ZNF83: variants seen among roughly 807,000 people sequenced by gnomAD.
The protein encoded by ZNF83 is zinc finger protein 816B.
For missense variants in ZNF83, 552 were observed against 629.9 expected, an observed-to-expected ratio of 0.88 and a Z score of 1.32; for synonymous variants, 209 against 213.0, an observed-to-expected ratio of 0.98 and a Z score of 0.17.
chr19:52,614,428 G>T (rs775565492), exon 3 of ZNF83: 8 of 1,613,694 alleles, frequency 5.0e-6, no homozygotes, highest in Non-Finnish European at 6.8e-6. Context: ...ACTGTTGACA[G>T]ATTTTTCCAT....
At chr19:52,685,796 G>C (rs2062004607) in intron 1 of ZNF83, among the ~76,000 whole-genome samples, 1 of 151,826 alleles carries the variant, frequency 6.6e-6, no homozygotes, top group African/African-American at 2.4e-5. Flanking sequence ...TACTCAGGAG[G>C]CTGAAGCAGG....
intron 1 of ZNF83, among the ~76,000 whole-genome samples, chr19:52,666,919 G>C (rs1416965135): frequency 6.6e-6 from 1 of 152,170 alleles, no homozygotes; most frequent in African/African-American, 2.4e-5. Context: ...GCAGAGTTAG[G>C]AAAATTGCCT....
Position 52,614,577 on chromosome 19 carries a change from A to AAC in ZNF83, c.-14_-13insGT. 1 of 1,565,676 alleles carries AAC rather than the reference A, an allele frequency of 6.4e-7. No homozygotes were observed. The highest frequency in any genetic ancestry group is 8.7e-7 in the Non-Finnish European group (1 of 1,153,610). On this transcript the variant is annotated 5_prime_UTR_variant, in exon 3 of 3. The change creates a new upstream start codon in the 5' untranslated region. Coordinates refer to ENST00000301096, the Ensembl canonical transcript of ZNF83. ...TTCTCCCATGCATGTCTCTTCTACC[A>AAC]ATGAGACTTTCCTTATAGGTCACAC...
chr19:52,678,546 T>C (rs993139749), intron 1 of ZNF83, among the ~76,000 whole-genome samples: 7 of 152,048 alleles, frequency 4.6e-5, no homozygotes, highest in African/African-American at 1.7e-4. Context: ...TCCTATATTA[T>C]TTGAAGTCAT....
At chr19:52,628,219 G>A (rs867104979) in intron 2 of ZNF83, among the ~76,000 whole-genome samples, 2 of 152,054 alleles carry the variant, frequency 1.3e-5, no homozygotes, top group Non-Finnish European at 2.9e-5. Flanking sequence ...TCAGATTGGG[G>A]GACCTCCCTT....
intron 2 of ZNF83, among the ~76,000 whole-genome samples, chr19:52,632,432 C>T (rs3960470): frequency 6.6e-6 from 1 of 152,206 alleles, no homozygotes; most frequent in Non-Finnish European, 1.5e-5. Context: ...GCCCCAGTCT[C>T]ATTCCAGACA....
chr19:52,618,085 A>C (rs2060383120), intron 2 of ZNF83: 1 of 152,190 alleles, frequency 6.6e-6, no homozygotes, highest in African/African-American at 2.4e-5. Flanking sequence ...GTCTGCCATG[A>C]GGTTTTGTTT....
At chr19:52,690,262 C>A (rs1180292971) in intron 1 of ZNF83, among the ~76,000 whole-genome samples, 1 of 151,730 alleles carries the variant, frequency 6.6e-6, no homozygotes, top group African/African-American at 2.4e-5. Context: ...GGGGATGGGA[C>A]CAACCTCAGG....
At chr19:52,650,844 C>T (rs760453980) in intron 3 of ZNF83, 4 of 152,152 alleles carry the variant, frequency 2.6e-5, no homozygotes, top group Non-Finnish European at 4.4e-5. Flanking sequence ...CTTCATTAAA[C>T]CTGTTTACTA....
chr19:52,632,955 C>A (rs1055782489), intron 2 of ZNF83, among the ~76,000 whole-genome samples: 10 of 152,166 alleles, frequency 6.6e-5, no homozygotes, highest in Admixed American at 5.2e-4. Context: ...ATCGTCCATT[C>A]TCTCTCCATA....
rs559142343 is a variant in ZNF83 at position 52,654,625 on chromosome 19, G to C, written c.-74+936C>G. On this transcript the variant is annotated intron_variant, in intron 3 of 5. Coordinates refer to the ZNF83 transcript ENST00000594682. ...CCAGCTACTCAGGACGCTGAGGCAGGAGAATTTCTTGAACCTAGGAGGCAG... is the reference window on the plus strand; with the variant it reads ...CCAGCTACTCAGGACGCTGAGGCAGCAGAATTTCTTGAACCTAGGAGGCAG... Among the ~76,000 whole-genome samples the C allele has an allele frequency of 3.3e-5, 5 of 152,254 alleles. No individual in the cohort carries two copies. The South Asian group carries it at 8.3e-4, about 25-fold the overall frequency.
upstream of ZNF83, among the ~76,000 whole-genome samples, chr19:52,641,068 C>G (rs1234185929): frequency 6.6e-6 from 1 of 151,786 alleles, no homozygotes; most frequent in Non-Finnish European, 1.5e-5. Context: ...AACAACACCC[C>G]CTCCAGACCC....
At chr19:52,613,003 ACT>A (rs1368049635) in exon 3 of ZNF83, 1 of 1,566,608 alleles carries the variant, frequency 6.4e-7, no homozygotes, top group Admixed American at 1.8e-5. Context: ...CTAACTGAAC[ACT>A]CTGCCACATT....
intron 3 of ZNF83, chr19:52,652,320 C>A (rs368348630): frequency 3.8e-6 from 1 of 262,466 alleles, no homozygotes. Context: ...CTTGTAGTCC[C>A]AGCTACTCAG....
chr19:52,686,997 C>G (rs1258100177), intron 1 of ZNF83, among the ~76,000 whole-genome samples: 6 of 151,856 alleles, frequency 4.0e-5, no homozygotes, highest in Non-Finnish European at 8.8e-5. Flanking sequence ...GCCTCTCTAA[C>G]ATGGAGAAAC....
intron 3 of ZNF83, chr19:52,654,010 C>A: frequency 1.3e-6 from 2 of 1,537,152 alleles, no homozygotes; most frequent in Non-Finnish European, 1.8e-6. Flanking sequence ...ACAAGAAATT[C>A]TTTGGGATGT....
intron 3 of ZNF83, chr19:52,653,395 G>A: frequency 1.1e-6 from 1 of 947,266 alleles, no homozygotes; most frequent in Non-Finnish European, 1.7e-6. Flanking sequence ...TTCATTACAT[G>A]TGTAAGGTTT....
At position 52,618,792 on chromosome 19, in the gene ZNF83, G is replaced by C. The variant is rs778063623; in HGVS notation, c.-233-3995C>G. The C allele has an allele frequency of 1.4e-5, 18 of 1,330,306 alleles. No homozygotes were observed. The East Asian group carries it at 4.0e-4, about 29-fold the overall frequency. 82.4% of individuals were successfully genotyped at this position (1,330,306 alleles called of 1,614,324 possible). ...TAAAAAAGGGGACAGTGAAAGTCCA[G>C]ATGCTACATCATGAAGCTTTTCATT... On this transcript the variant is annotated intron_variant, in intron 2 of 2. Coordinates refer to ENST00000301096, the Ensembl canonical transcript of ZNF83.
exon 1 of ZNF83, chr19:52,638,340 A>G (rs1470549576): frequency 6.3e-5 from 8 of 127,902 alleles, no homozygotes; most frequent in Non-Finnish European, 1.2e-4. Context: ...ACTCCACATA[A>G]TCCGCTTCCG....
Sources: allele counts gnomAD v4.1 joint callset (sites outside exome capture counted in the v4.1 genomes callset), GRCh38; gene constraint gnomAD v4.1.1; transcripts MANE v1.5; gene names NCBI Gene and HGNC (gene_info 2026-07-23, HGNC 2026-07-21).